DCDC2: variants seen among roughly 807,000 people sequenced by gnomAD.
DCDC2 encodes doublecortin domain containing 2.
DCDC2 carries 40 observed loss-of-function variants against 50.2 expected under a neutral mutation model. The observed-to-expected ratio is 0.80, with a 90% CI of 0.62 to 1.04. The LOEUF (loss-of-function observed/expected upper bound fraction) is 1.04. Ranked by LOEUF, DCDC2 falls within the 50% of genes least tolerant of loss-of-function variation. The pLI, the probability that DCDC2 is intolerant of heterozygous loss-of-function variation, is 0.00. For missense variants in DCDC2, 570 were observed against 581.9 expected, an observed-to-expected ratio of 0.98 and a Z score of 0.21; for synonymous variants, 234 against 210.6, an observed-to-expected ratio of 1.11 and a Z score of -0.96.
chr6:24,207,482 A>G (rs1403616874), intron 7 of DCDC2, among the ~76,000 whole-genome samples: 3 of 152,196 alleles, frequency 2.0e-5, no homozygotes, highest in African/African-American at 7.2e-5. Context: ...ATAGTGCAAA[A>G]TAGGAATTTT....
chr6:24,265,478 A>C (rs1763098761), intron 7 of DCDC2, among the ~76,000 whole-genome samples: 1 of 152,204 alleles, frequency 6.6e-6, no homozygotes. Flanking sequence ...TTCTCACCAC[A>C]TGGATCATTC....
intron 7 of DCDC2, among the ~76,000 whole-genome samples, chr6:24,211,247 G>GGA (rs756986068): frequency 1.3e-5 from 2 of 152,210 alleles, no homozygotes; most frequent in Admixed American, 6.5e-5. Context: ...AATTCTTCAT[G>GGA]TTCTTACAGG....
the DCDC2 span, among the ~76,000 whole-genome samples, chr6:24,378,800 AC>A: frequency 6.6e-6 from 1 of 152,010 alleles, no homozygotes; most frequent in African/African-American, 2.4e-5. Context: ...TTAAAAACCA[AC>A]CTTGCTACAG....
chr6:24,227,125 T>C (rs1025642117), intron 7 of DCDC2, among the ~76,000 whole-genome samples: 6 of 152,098 alleles, frequency 3.9e-5, no homozygotes, highest in Non-Finnish European at 8.8e-5. Flanking sequence ...TGACAAAAAC[T>C]AAAGGAAGGG....
At chr6:24,373,304 C>T in the DCDC2 span, among the ~76,000 whole-genome samples, 1 of 152,204 alleles carries the variant, frequency 6.6e-6, no homozygotes, top group East Asian at 1.9e-4. Flanking sequence ...TTTGTAGAAG[C>T]ATTCACATAA....
chr6:24,315,325 T>A (rs1042854304), intron 2 of DCDC2, among the ~76,000 whole-genome samples: 8 of 152,134 alleles, frequency 5.3e-5, no homozygotes, highest in African/African-American at 1.7e-4. Flanking sequence ...GTTGAGGACA[T>A]CTGAAGAACC....
the DCDC2 span, among the ~76,000 whole-genome samples, chr6:24,364,585 G>A: frequency 6.6e-6 from 1 of 152,274 alleles, no homozygotes; most frequent in South Asian, 2.1e-4. Flanking sequence ...TGTCTTACTA[G>A]TACCTAGCAC....
In DCDC2 at chr6:24,358,029, G is replaced by C. The variant is rs1760514894; in HGVS notation, c.-279C>G. 1.7e-6 allele frequency: 2 copies of C among 1,208,218 alleles called. No individual in the cohort carries two copies. Among genetic ancestry groups the C allele is most frequent in the Non-Finnish European group, 2.3e-6 (2 of 884,836 alleles). 74.8% of individuals were successfully genotyped at this position (1,208,218 alleles called of 1,614,324 possible). ...TGCGCGCACCACACCAGGTTCACCT[G>C]CTACGGGCAGAATCAAGGTGGACAG... On this transcript the variant is annotated 5_prime_UTR_variant, in exon 1 of 10. Transcript: ENST00000378454.
chr6:24,249,502 A>G (rs1762754488), intron 7 of DCDC2, among the ~76,000 whole-genome samples: 2 of 152,226 alleles, frequency 1.3e-5, no homozygotes, highest in African/African-American at 2.4e-5. Context: ...GTAGCTTTTG[A>G]TAATTTCAGA....
chr6:24,347,729 C>G (rs1183530943), intron 2 of DCDC2, among the ~76,000 whole-genome samples: 1 of 152,094 alleles, frequency 6.6e-6, no homozygotes, highest in Non-Finnish European at 1.5e-5. Flanking sequence ...GCATGAATAG[C>G]ATTCATTCAA....
chr6:24,373,888 C>T, the DCDC2 span, among the ~76,000 whole-genome samples: 1 of 151,516 alleles, frequency 6.6e-6, no homozygotes, highest in Admixed American at 6.6e-5. Flanking sequence ...AAGGACTGGG[C>T]GCGGTGGCTC....
At chr6:24,220,879 A>AGAGTGAGCGAGC (rs1554146330) in intron 7 of DCDC2, among the ~76,000 whole-genome samples, 8 of 106,976 alleles carry the variant, frequency 7.5e-5, no homozygotes, top group African/African-American at 3.7e-4. Flanking sequence ...CAAGAGAGCG[A>AGAGTGAGCGAGC]GAGCGAGAGA....
intron 7 of DCDC2, among the ~76,000 whole-genome samples, chr6:24,225,602 T>C (rs934619438): frequency 7.0e-5 from 10 of 142,044 alleles, no homozygotes; most frequent in African/African-American, 2.5e-4. Context: ...AGTCAGATTG[T>C]TTTAACTCTT....
intron 2 of DCDC2, among the ~76,000 whole-genome samples, chr6:24,320,123 G>C (rs1759745305): frequency 6.6e-6 from 1 of 152,118 alleles, no homozygotes; most frequent in African/African-American, 2.4e-5. Flanking sequence ...TAAGAGTATA[G>C]GTTAGCAATT....
intron 1 of DCDC2, chr6:24,356,841 G>C (rs1238628361): frequency 6.6e-6 from 1 of 152,210 alleles, no homozygotes; most frequent in Non-Finnish European, 1.5e-5. Context: ...GCCCTTGAAG[G>C]TCTAATCACG....
chr6:24,364,588 C>T, the DCDC2 span, among the ~76,000 whole-genome samples: 1 of 152,120 alleles, frequency 6.6e-6, no homozygotes, highest in South Asian at 2.1e-4. Flanking sequence ...CTTACTAGTA[C>T]CTAGCACAGA....
chr6:24,232,720 C>T (rs139153591), intron 7 of DCDC2, among the ~76,000 whole-genome samples: 2 of 152,156 alleles, frequency 1.3e-5, no homozygotes, highest in African/African-American at 4.8e-5. Flanking sequence ...TATAACATTG[C>T]TTTAGTGAAC....
At chr6:24,288,137 A>T (rs1378853858) in intron 6 of DCDC2, among the ~76,000 whole-genome samples, 1 of 152,246 alleles carries the variant, frequency 6.6e-6, no homozygotes, top group Admixed American at 6.5e-5. Flanking sequence ...AATGTTGCTT[A>T]ATTAATTCAG....
intron 7 of DCDC2, among the ~76,000 whole-genome samples, chr6:24,242,347 G>A (rs1239126870): frequency 6.6e-6 from 1 of 152,020 alleles, no homozygotes; most frequent in Non-Finnish European, 1.5e-5. Flanking sequence ...CCCATCGCCT[G>A]CACTGACTGG....
Sources: gnomAD v4.1 joint callset for allele counts (sites outside exome capture counted in the v4.1 genomes callset) on GRCh38, gnomAD v4.1.1 for gene constraint, MANE v1.5 for transcripts, NCBI Gene and HGNC (gene_info 2026-07-23, HGNC 2026-07-21) for gene names.